SEZ6L: variants seen among roughly 807,000 people sequenced by gnomAD.
SEZ6L encodes the protein seizure related 6 homolog like.
A neutral mutation model predicts 106.2 loss-of-function variants in SEZ6L; 37 were observed. That is an observed-to-expected ratio of 0.35 (90% confidence interval 0.27 to 0.46). SEZ6L has a LOEUF of 0.46. Ranked by LOEUF, SEZ6L falls within the 20% of genes least tolerant of loss-of-function variation. SEZ6L has a pLI of 1.00. For synonymous variants in SEZ6L, 541 were observed against 570.4 expected, an observed-to-expected ratio of 0.95 and a Z score of 0.73; for missense variants, 1,172 against 1,332.8, an observed-to-expected ratio of 0.88 and a Z score of 1.88.
intron 11 of SEZ6L, among the ~76,000 whole-genome samples, 186 bp from the exon 12 acceptor site, chr22:26,350,866 C>T (rs942298585): frequency 3.9e-5 from 6 of 152,000 alleles, no homozygotes; most frequent in Admixed American, 3.9e-4. Flanking sequence ...CCATGTTAGC[C>T]AGGATGGTCT....
chr22:26,295,616 G>T (rs1232981915), intron 3 of SEZ6L, among the ~76,000 whole-genome samples: 2 of 152,146 alleles, frequency 1.3e-5, no homozygotes, highest in African/African-American at 4.8e-5. Context: ...GATTATTATA[G>T]TGCTTAAGAA....
chr22:26,289,395 G>A (rs1398627762), intron 1 of SEZ6L, among the ~76,000 whole-genome samples: 1 of 152,220 alleles, frequency 6.6e-6, no homozygotes, highest in Non-Finnish European at 1.5e-5. Context: ...CAACAAGGTA[G>A]ATAGAATACC....
intron 10 of SEZ6L, among the ~76,000 whole-genome samples, chr22:26,343,770 T>C (rs1366264502): frequency 6.6e-6 from 1 of 152,106 alleles, no homozygotes; most frequent in East Asian, 1.9e-4. Context: ...CTAGTTTGGG[T>C]AACAAAAAAG....
intron 12 of SEZ6L, among the ~76,000 whole-genome samples, chr22:26,357,068 C>G (rs747341712): frequency 1.3e-5 from 2 of 151,986 alleles, no homozygotes; most frequent in African/African-American, 2.4e-5. Flanking sequence ...TCTCCTGCCT[C>G]AGGCTCCAGA....
At chr22:26,237,688 A>C (rs998523699) in intron 1 of SEZ6L, among the ~76,000 whole-genome samples, 1 of 152,250 alleles carries the variant, frequency 6.6e-6, no homozygotes, top group Non-Finnish European at 1.5e-5. Flanking sequence ...TGGACAATGC[A>C]TAGTGGGTGG....
chr22:26,383,450 A>G lies in SEZ6L; in HGVS notation c.*3155A>G, dbSNP rs541930811. 6.6e-6 allele frequency: 1 copy of G among 152,302 alleles called. No homozygotes were observed. The highest frequency in any genetic ancestry group is 2.1e-4 in the South Asian group (1 of 4,828). The allele number at this position is 152,302 out of a possible 1,614,324, so 9.4% of individuals were successfully genotyped here. A position where few individuals can be genotyped will look rare whatever the true frequency, so the allele number is the denominator to read the frequency against. Reference sequence around the variant, plus strand: ...ATTATTTGAGTTGTTCAGCACCCCCAAAGGTAGGCATTCTCCTGGGAAATT... The same window carrying G: ...ATTATTTGAGTTGTTCAGCACCCCCGAAGGTAGGCATTCTCCTGGGAAATT... On this transcript the variant is annotated 3_prime_UTR_variant, in exon 17 of 17. Transcript: ENST00000248933.
At chr22:26,200,492 C>T (rs1940864627) in intron 1 of SEZ6L, among the ~76,000 whole-genome samples, 1 of 152,198 alleles carries the variant, frequency 6.6e-6, no homozygotes, top group Non-Finnish European at 1.5e-5. Context: ...TCCCCACCAG[C>T]CACCTCCTTC....
Position 26,293,121 on chromosome 22 carries a change from G to T in SEZ6L, c.810G>T (p.Thr270=), listed in dbSNP as rs779239961. ...ETTTSTIITT[T]VITTEQAPAL... is the part of the protein sequence containing the mutation. ...CTACCTCCACCATTATCACCACCAC[G>T]GTCATCACCACCGAGCAGGCACCAG... The change falls in exon 2 of 17, where the codon ACG becomes ACT. Residue 270 remains threonine, a synonymous_variant. Transcript: ENST00000248933. 1.9e-6 allele frequency: 3 copies of T among 1,576,818 alleles called. No individual in the cohort carries two copies. The highest frequency in any genetic ancestry group is 2.6e-6 in the Non-Finnish European group (3 of 1,168,480).
intron 4 of SEZ6L, 53 bp from the exon 5 acceptor site, chr22:26,298,931 C>T: frequency 6.7e-7 from 1 of 1,489,866 alleles, no homozygotes; most frequent in Non-Finnish European, 9.0e-7. Context: ...GGGTCAGGTT[C>T]TTGATCTGCC....
At chr22:26,219,485 A>G (rs142636967) in intron 1 of SEZ6L, among the ~76,000 whole-genome samples, 5 of 152,268 alleles carry the variant, frequency 3.3e-5, no homozygotes, top group African/African-American at 7.2e-5. Context: ...TTTATTTTCC[A>G]TACGGACTCT....
chr22:26,311,174 G>A (rs549335592), intron 7 of SEZ6L, among the ~76,000 whole-genome samples: 2 of 152,226 alleles, frequency 1.3e-5, no homozygotes, highest in South Asian at 2.1e-4. Context: ...TTGGGTGACC[G>A]GCCCAAGACC....
intron 1 of SEZ6L, among the ~76,000 whole-genome samples, chr22:26,197,228 A>G (rs1167278017): frequency 6.6e-6 from 1 of 151,888 alleles, no homozygotes; most frequent in Non-Finnish European, 1.5e-5. Flanking sequence ...ATTGTGAGGC[A>G]CTTACTATCT....
intron 10 of SEZ6L, among the ~76,000 whole-genome samples, chr22:26,346,948 C>T (rs571877158): frequency 9.9e-5 from 15 of 152,120 alleles, no homozygotes; most frequent in African/African-American, 3.6e-4. Flanking sequence ...AATCTCAACA[C>T]TTTGGGAGGC....
intron 1 of SEZ6L, among the ~76,000 whole-genome samples, chr22:26,257,648 G>A (rs11705024): frequency 0.25 from 37,366 of 152,000 alleles, 5,231 homozygotes; most frequent in East Asian, 0.32. Flanking sequence ...TTTATGCTGA[G>A]GTCTGAGGAC....
intron 1 of SEZ6L, among the ~76,000 whole-genome samples, chr22:26,210,352 G>A (rs1461362531): frequency 6.6e-6 from 1 of 152,178 alleles, no homozygotes; most frequent in Non-Finnish European, 1.5e-5. Flanking sequence ...CAGAGAGGAG[G>A]GAAGGCTCAC....
At chr22:26,229,512 A>C (rs149363519) in intron 1 of SEZ6L, among the ~76,000 whole-genome samples, 1 of 152,224 alleles carries the variant, frequency 6.6e-6, no homozygotes, top group African/African-American at 2.4e-5. Context: ...CCCATTGCCA[A>C]TAGGGATTTT....
At chr22:26,228,672 G>A (rs78825100) in intron 1 of SEZ6L, among the ~76,000 whole-genome samples, 23,078 of 152,110 alleles carry the variant, frequency 0.15, 1,967 homozygotes, top group Middle Eastern at 0.23. Context: ...ACTTACTGGG[G>A]GCTTGCTTAG....
chr22:26,265,597 G>C (rs1008404776), intron 1 of SEZ6L, among the ~76,000 whole-genome samples: 2 of 152,096 alleles, frequency 1.3e-5, no homozygotes. Context: ...GCTGCAAACC[G>C]CCTGTTAGCC....
intron 16 of SEZ6L, 119 bp from the exon 17 acceptor site, chr22:26,380,147 G>C (rs981350662): frequency 1.2e-6 from 1 of 834,330 alleles, no homozygotes; most frequent in African/African-American, 1.7e-5. Flanking sequence ...AGAGTGGGAG[G>C]GCACTGAAAA....
Sources: gnomAD v4.1 joint callset for allele counts (sites outside exome capture counted in the v4.1 genomes callset) on GRCh38, gnomAD v4.1.1 for gene constraint, MANE v1.5 for transcripts, NCBI Gene and HGNC (gene_info 2026-07-23, HGNC 2026-07-21) for gene names.